Variants in ARMC9 observed in about 807,000 individuals in gnomAD.
The protein encoded by ARMC9 is armadillo repeat containing 9, also known as lisH domain-containing protein ARMC9.
In ARMC9, 94 loss-of-function variants were observed where a neutral mutation model predicts 107.0. That is an observed-to-expected ratio of 0.88 (90% CI 0.74 to 1.04). The LOEUF (loss-of-function observed/expected upper bound fraction) is 1.04. Among genes scored for constraint, ARMC9 ranks in the 50% least tolerant of loss-of-function variants. The pLI is 0.00. For missense variants in ARMC9, 942 were observed against 1,030.1 expected (o/e 0.91, Z 1.17); for synonymous variants, 380 against 396.9 (o/e 0.96, Z 0.51).
At chr2:231,258,694 G>T (rs961800441) in intron 10 of ARMC9, among the ~76,000 whole-genome samples, 19 of 152,300 alleles carry the variant, frequency 1.2e-4, no homozygotes, top group African/African-American at 4.6e-4. Flanking sequence ...CCTATGCTAG[G>T]GAGGTCTGGC....
At chr2:231,267,056 G>C (rs955423982) in intron 12 of ARMC9, among the ~76,000 whole-genome samples, 1 of 152,202 alleles carries the variant, frequency 6.6e-6, no homozygotes, top group African/African-American at 2.4e-5. Flanking sequence ...AAGTTAGCTA[G>C]GAGAAGATGG....
At chr2:231,336,884 G>C (rs567251774) in intron 20 of ARMC9, among the ~76,000 whole-genome samples, 16 of 152,292 alleles carry the variant, frequency 1.1e-4, no homozygotes, top group African/African-American at 3.1e-4. Context: ...CCTGTCTTCT[G>C]CAGCATGGCA....
In ARMC9 at chr2:231,280,933, C is replaced by T. The variant is rs144929698; in HGVS notation, c.1552-1126C>T. Among the ~76,000 whole-genome samples the T allele has an allele frequency of 2.0e-5, 3 of 152,214 alleles. No individual in the cohort carries two copies. In the East Asian group the frequency reaches 5.8e-4, roughly 29 times the overall value. ...AACAACCGTAGGATGCCTTTTTTTA[C>T]CCATCAGCTTGGCAAGCATTGAAAG... On this transcript the variant is annotated intron_variant, in intron 16 of 24. Transcript: ENST00000611582.
intron 22 of ARMC9, among the ~76,000 whole-genome samples, chr2:231,357,396 C>T (rs1256080929): frequency 6.6e-6 from 1 of 152,134 alleles, no homozygotes; most frequent in Non-Finnish European, 1.5e-5. Context: ...TTCTGAGTGT[C>T]CCTTCCTTAA....
chr2:231,209,226 A>T (rs2032476934), intron 3 of ARMC9, among the ~76,000 whole-genome samples: 1 of 151,992 alleles, frequency 6.6e-6, no homozygotes, highest in African/African-American at 2.4e-5. Flanking sequence ...TATAAAAAAT[A>T]AAAAATTGGC....
chr2:231,320,356 C>T (rs2042928619), intron 19 of ARMC9, among the ~76,000 whole-genome samples: 4 of 152,210 alleles, frequency 2.6e-5, no homozygotes, highest in Admixed American at 2.6e-4. Flanking sequence ...TGCACATTCA[C>T]ATGATGCCTT....
At chr2:231,336,784 T>C (rs79385734) in intron 20 of ARMC9, among the ~76,000 whole-genome samples, 8,498 of 152,280 alleles carry the variant, frequency 0.056, 351 homozygotes, top group African/African-American at 0.11. Context: ...GTTTTTATTT[T>C]CCCCTAAAGT....
At chr2:231,315,642 A>G (rs565252202) in intron 19 of ARMC9, among the ~76,000 whole-genome samples, 4 of 152,326 alleles carry the variant, frequency 2.6e-5, no homozygotes, top group African/African-American at 9.6e-5. Context: ...CTAGTACCAC[A>G]TGATGTTAAT....
intron 9 of ARMC9, among the ~76,000 whole-genome samples, chr2:231,243,034 C>A (rs968894339): frequency 6.6e-6 from 1 of 152,160 alleles, no homozygotes; most frequent in African/African-American, 2.4e-5. Context: ...ATGACAAGGT[C>A]AGGAGATCGA....
At chr2:231,335,106 C>T (rs1194706801) in intron 20 of ARMC9, among the ~76,000 whole-genome samples, 1 of 152,138 alleles carries the variant, frequency 6.6e-6, no homozygotes, top group Non-Finnish European at 1.5e-5. Context: ...AGCGGAATGC[C>T]GAAGAGGCTT....
At chr2:231,369,179 C>T (rs961061605) in intron 23 of ARMC9, among the ~76,000 whole-genome samples, 8 of 152,198 alleles carry the variant, frequency 5.3e-5, no homozygotes, top group Admixed American at 1.3e-4. Context: ...ATCTGGAGAG[C>T]GGTGGGGCTG....
intron 18 of ARMC9, among the ~76,000 whole-genome samples, chr2:231,291,871 A>G (rs1010237576): frequency 6.6e-6 from 1 of 151,294 alleles, no homozygotes. Flanking sequence ...CCCATAGACA[A>G]AAGTTCAGCC....
At chr2:231,286,885 A>T (rs2040629779) in intron 17 of ARMC9, among the ~76,000 whole-genome samples, 1 of 152,232 alleles carries the variant, frequency 6.6e-6, no homozygotes, top group Non-Finnish European at 1.5e-5. Flanking sequence ...GAATCCCCTG[A>T]GGCCCATTTG....
intron 9 of ARMC9, 90 bp downstream of exon 9, chr2:231,240,131 C>T (rs2036161224): frequency 3.6e-6 from 4 of 1,099,342 alleles, no homozygotes; most frequent in Non-Finnish European, 2.7e-6. Context: ...GAAAAAATAA[C>T]ATGCAAGAGG....
At chr2:231,244,755 G>A (rs2125381480) in intron 9 of ARMC9, among the ~76,000 whole-genome samples, 1 of 152,362 alleles carries the variant, frequency 6.6e-6, no homozygotes, top group African/African-American at 2.4e-5. Context: ...GCCCTGGACA[G>A]CTCTGGCCAA....
chr2:231,226,865 C>T (rs576675118), intron 7 of ARMC9, 67 bp downstream of exon 7: 219 of 1,522,504 alleles, frequency 1.4e-4, no homozygotes, highest in Non-Finnish European at 1.9e-4. Context: ...GTAGTAAGAT[C>T]GGTGCAAAGA....
At chr2:231,312,379 T>TGCCAATGTG (rs2042403386) in intron 19 of ARMC9, among the ~76,000 whole-genome samples, 1 of 152,248 alleles carries the variant, frequency 6.6e-6, no homozygotes, top group East Asian at 1.9e-4. Context: ...TGCCAAATTC[T>TGCCAATGTG]ACTGTCAAAG....
intron 20 of ARMC9, among the ~76,000 whole-genome samples, chr2:231,334,676 G>A (rs902723221): frequency 1.3e-5 from 2 of 152,042 alleles, no homozygotes; most frequent in Non-Finnish European, 2.9e-5. Context: ...AGCAGTAAGC[G>A]CTGAGGCCGG....
chr2:231,331,754 A>G, intron 19 of ARMC9, 39 bp from the exon 20 acceptor site: 1 of 1,569,842 alleles, frequency 6.4e-7, no homozygotes. Flanking sequence ...AGCTTGTGTC[A>G]GGGTGTCCAT....
Sources: gnomAD v4.1 joint callset for allele counts (sites outside exome capture counted in the v4.1 genomes callset) on GRCh38, gnomAD v4.1.1 for gene constraint, MANE v1.5 for transcripts, NCBI Gene and HGNC (gene_info 2026-07-23, HGNC 2026-07-21) for gene names.